The following BEND4 variants were observed in gnomAD, a reference collection of about 807,000 sequenced individuals.
BEND4 encodes the protein BEN domain-containing protein 4.
In BEND4, 27 loss-of-function variants were observed where a neutral mutation model predicts 54.7. The ratio of observed to expected loss-of-function variants is 0.49; its 90% CI spans 0.36 to 0.68. The LOEUF is 0.68. Ranked by LOEUF, BEND4 falls within the 30% of genes least tolerant of loss-of-function variation. The pLI is 0.00. For missense variants in BEND4, 702 were observed against 697.2 expected, an observed-to-expected ratio of 1.01 and a Z score of -0.08; for synonymous variants, 327 against 299.5, an observed-to-expected ratio of 1.09 and a Z score of -0.95.
intron 4 of BEND4, among the ~76,000 whole-genome samples, chr4:42,123,009 A>G (rs1720122825): frequency 6.6e-6 from 1 of 152,180 alleles, no homozygotes; most frequent in Admixed American, 6.5e-5. Flanking sequence ...AAAACCTTTG[A>G]AAAAATCCAC....
Position 42,113,240 on chromosome 4 carries a change from A to C in BEND4, c.*4278T>G, listed in dbSNP as rs1719645971. 2 of 152,258 alleles carry C rather than the reference A, an allele frequency of 1.3e-5. No homozygotes were observed. Among genetic ancestry groups the C allele is most frequent in the East Asian group, 1.9e-4 (1 of 5,206 alleles). 9.4% of individuals were successfully genotyped at this position (152,258 alleles called of 1,614,324 possible). Reference sequence around the variant, plus strand: ...TAACGCAGATCTGTACTGTGAAATGACACAGCACTGAATGAGGAAAGTTAT... The same window carrying C: ...TAACGCAGATCTGTACTGTGAAATGCCACAGCACTGAATGAGGAAAGTTAT... On this transcript the variant is annotated 3_prime_UTR_variant, in exon 6 of 6. Transcript: ENST00000502486.
chr4:42,116,700 CT>C lies in BEND4; in HGVS notation c.*817del, dbSNP rs1017493672. On this transcript the variant is annotated 3_prime_UTR_variant, in exon 6 of 6. Transcript: ENST00000502486. ...CTTCAGTGCACCAAACAACTAATTGCTTTAAATTTTCATTGTTCTACCCATC... is the reference window on the plus strand; with the variant it reads ...CTTCAGTGCACCAAACAACTAATTGCTTAAATTTTCATTGTTCTACCCATC... 2 of 152,158 alleles carry C rather than the reference CT, an allele frequency of 1.3e-5. No individual in the cohort carries two copies. The highest frequency in any genetic ancestry group is 4.8e-5 in the African/African-American group (2 of 41,438). The allele number at this position is 152,158 out of a possible 1,614,324, so 9.4% of individuals were successfully genotyped here.
intron 2 of BEND4, among the ~76,000 whole-genome samples, chr4:42,148,136 A>G (rs1239332406): frequency 1.3e-5 from 2 of 152,124 alleles, no homozygotes; most frequent in Non-Finnish European, 2.9e-5. Flanking sequence ...TCCTTAAAAC[A>G]TTAATTTAAC....
intron 2 of BEND4, among the ~76,000 whole-genome samples, chr4:42,145,857 G>C (rs1721064273): frequency 6.6e-6 from 1 of 152,142 alleles, no homozygotes; most frequent in Non-Finnish European, 1.5e-5. Flanking sequence ...CTGCACTGGA[G>C]TGTCAGAGGC....
intron 5 of BEND4, 58 bp from the exon 6 acceptor site, chr4:42,117,793 A>C: frequency 8.5e-7 from 1 of 1,181,328 alleles, no homozygotes; most frequent in Non-Finnish European, 1.2e-6. Context: ...TGGTTTTTGC[A>C]GAAGATGACA....
intron 2 of BEND4, among the ~76,000 whole-genome samples, chr4:42,145,347 G>T (rs1227228048): frequency 2.6e-5 from 4 of 152,086 alleles, no homozygotes; most frequent in Admixed American, 2.6e-4. Context: ...AAATAACTAA[G>T]ATAGTCAGAG....
At chr4:42,137,065 G>A (rs1720721633) in intron 3 of BEND4, among the ~76,000 whole-genome samples, 1 of 152,086 alleles carries the variant, frequency 6.6e-6, no homozygotes, top group Non-Finnish European at 1.5e-5. Context: ...TGAGGGTGGC[G>A]AGGGGTAACA....
In BEND4 at chr4:42,151,828, G is replaced by T. The variant is rs1166900713; in HGVS notation, c.316C>A (p.Pro106Thr). The T allele has an allele frequency of 4.6e-5, 65 of 1,410,018 alleles. No individual in the cohort carries two copies. Among genetic ancestry groups the T allele is most frequent in the Non-Finnish European group, 5.9e-5 (65 of 1,093,384 alleles). The allele number at this position is 1,410,018 out of a possible 1,614,324, so 87.3% of individuals were successfully genotyped here. The stretch of plus-strand genomic sequence containing the variant: ...CTCAAGTGGCCCTGGGATGTGGCGG[G>T]CGTGCAGGACGGCGACGACGACGAA... ...AASSSSPSCT[P>T]ATSQGHLRTP... is the part of the protein sequence containing the mutation. The change falls in exon 2 of 6, where the codon CCC (proline) becomes ACC (threonine). Residue 106 changes from proline (P) to threonine (T), a missense_variant. Transcript: ENST00000502486.
rs1446832460 is a variant in BEND4, at chr4:42,152,045, C to T, written c.99G>A (p.Lys33=). The change falls in exon 2 of 6, where the codon AAG becomes AAA. Residue 33 remains lysine, a synonymous_variant. Coordinates refer to ENST00000502486, the MANE Select transcript of BEND4 (RefSeq NM_207406.4). ...CGTAGCGCTTGGCCAGCGCCGGTCT[C>T]TTGCTGGGGAACGTCTTGAGGACGC... The part of the protein sequence containing the change: ...PYSVLKTFPS[K]RPALAKRYER... 9.6e-6 allele frequency: 12 copies of T among 1,251,748 alleles called. No homozygotes were observed. The highest frequency in any genetic ancestry group is 1.2e-5 in the Non-Finnish European group (12 of 991,092). The allele number at this position is 1,251,748 out of a possible 1,614,324, so 77.5% of individuals were successfully genotyped here. A position where few individuals can be genotyped will look rare whatever the true frequency, so the allele number is the denominator to read the frequency against.
Position 42,151,949 on chromosome 4 carries a change from G to A in BEND4, c.195C>T (p.His65=). Residue 65 remains histidine, a synonymous_variant, in exon 2 of 6, where the codon CAC becomes CAT. Transcript: ENST00000502486. The part of the protein sequence containing the change: ...PPPPPPPFAP[H]AAVSISSSEP... Reference sequence around the variant, plus strand: ...CGCTGCTGCTGATGGAGACGGCGGCGTGCGGCGCGAAGGGCGGCGGGGGCG... The same window carrying A: ...CGCTGCTGCTGATGGAGACGGCGGCATGCGGCGCGAAGGGCGGCGGGGGCG... 1 of 1,248,692 alleles carries A rather than the reference G, an allele frequency of 8.0e-7. No homozygotes were observed. The highest frequency in any genetic ancestry group is 1.0e-6 in the Non-Finnish European group (1 of 993,848). 77.4% of individuals were successfully genotyped at this position (1,248,692 alleles called of 1,614,324 possible).
intron 3 of BEND4, among the ~76,000 whole-genome samples, chr4:42,134,912 G>A (rs1374758611): frequency 6.6e-6 from 1 of 152,198 alleles, no homozygotes. Flanking sequence ...GGTGTCTGGT[G>A]GGCACTGAGG....
chr4:42,142,350 T>C (rs1720918539), intron 3 of BEND4, among the ~76,000 whole-genome samples: 2 of 150,378 alleles, frequency 1.3e-5, no homozygotes, highest in African/African-American at 4.9e-5. Flanking sequence ...GCTGGCGCAG[T>C]GGCTCATGCC....
chr4:42,143,048 G>A (rs1250414839), intron 3 of BEND4, among the ~76,000 whole-genome samples: 2 of 152,318 alleles, frequency 1.3e-5, no homozygotes, highest in South Asian at 2.1e-4. Flanking sequence ...TTTAAAGGAA[G>A]AGGACCACCT....
In BEND4 at chr4:42,143,817, TGGA is replaced by T; in HGVS notation, c.662_664del (p.Val221_His222delinsAsp). ...GTCTACATTGTCTGAGGTCTGACTGTGGACCCCTTTCCCAATGTGACAGTGCTC... is the reference window on the plus strand; with the variant it reads ...GTCTACATTGTCTGAGGTCTGACTGTCCCCTTTCCCAATGTGACAGTGCTC... On this transcript the variant is annotated inframe_deletion, in exon 3 of 6. Transcript: ENST00000502486. 1 of 1,591,620 alleles carries T rather than the reference TGGA, an allele frequency of 6.3e-7. No individual in the cohort carries two copies. The highest frequency in any genetic ancestry group is 2.2e-5 in the East Asian group (1 of 44,796).
At chr4:42,148,756 T>G (rs1322545978) in intron 2 of BEND4, among the ~76,000 whole-genome samples, 1 of 152,220 alleles carries the variant, frequency 6.6e-6, no homozygotes, top group African/African-American at 2.4e-5. Flanking sequence ...TAGGATTTAT[T>G]ATAATTCATT....
At chr4:42,123,955 G>A (rs1033839362) in intron 4 of BEND4, among the ~76,000 whole-genome samples, 9 of 152,180 alleles carry the variant, frequency 5.9e-5, no homozygotes, top group African/African-American at 1.9e-4. Context: ...CGATGTATGG[G>A]CAAACCACTG....
chr4:42,139,768 A>C (rs1166933062), intron 3 of BEND4, among the ~76,000 whole-genome samples: 3 of 152,080 alleles, frequency 2.0e-5, no homozygotes, highest in Non-Finnish European at 4.4e-5. Flanking sequence ...GGCTGTAAAA[A>C]AGTGACTCCC....
chr4:42,134,140 C>T (rs1353074115), intron 3 of BEND4, among the ~76,000 whole-genome samples: 3 of 152,206 alleles, frequency 2.0e-5, no homozygotes, highest in African/African-American at 7.2e-5. Flanking sequence ...TTTTGCCCAT[C>T]TTAAGGGTGC....
intron 3 of BEND4, among the ~76,000 whole-genome samples, chr4:42,131,393 T>G (rs1450681390): frequency 6.6e-6 from 1 of 152,216 alleles, no homozygotes; most frequent in Non-Finnish European, 1.5e-5. Context: ...TGATTACATT[T>G]TAATTGTGGG....
Sources: allele counts gnomAD v4.1 joint callset (sites outside exome capture counted in the v4.1 genomes callset), GRCh38; gene constraint gnomAD v4.1.1; transcripts MANE v1.5; gene names NCBI Gene and HGNC (gene_info 2026-07-23, HGNC 2026-07-21).